The following SLC30A5 variants were observed in gnomAD, a reference collection of about 807,000 sequenced individuals.
The protein encoded by SLC30A5 is solute carrier family 30 member 5.
Under a neutral mutation model 79.6 loss-of-function variants are expected in SLC30A5, and 33 were observed. That is an observed-to-expected ratio of 0.41 (90% CI 0.31 to 0.55). The LOEUF is 0.55. SLC30A5 is among the 20% of genes least tolerant of loss of function. The pLI, the probability that SLC30A5 is intolerant of heterozygous loss-of-function variation, is 0.20. For missense variants in SLC30A5, 788 were observed against 928.1 expected, an observed-to-expected ratio of 0.85 and a Z score of 1.96; for synonymous variants, 299 against 319.7, an observed-to-expected ratio of 0.94 and a Z score of 0.69.
chr5:69,123,634 A>G (rs1746595325), intron 14 of SLC30A5: 1 of 496,924 alleles, frequency 2.0e-6, no homozygotes, highest in Non-Finnish European at 3.6e-6. Flanking sequence ...TAAAGGATAT[A>G]AAACAGGGAC....
intron 1 of SLC30A5, among the ~76,000 whole-genome samples, chr5:69,099,201 C>T (rs1745834687): frequency 6.6e-6 from 1 of 152,216 alleles, no homozygotes. Context: ...TTAAACTACT[C>T]ATTTAAAAAT....
chr5:69,105,240 T>G (rs1482900470), intron 4 of SLC30A5, among the ~76,000 whole-genome samples: 1 of 152,250 alleles, frequency 6.6e-6, no homozygotes, highest in African/African-American at 2.4e-5. Context: ...TTAGTCTTTT[T>G]CTGCAAGTGG....
At chr5:69,103,914 T>C in intron 3 of SLC30A5, 2 of 1,347,342 alleles carry the variant, frequency 1.5e-6, no homozygotes, top group Non-Finnish European at 2.0e-6. Context: ...TTTTTTAAAA[T>C]ATGATTAATA....
At chr5:69,094,429 A>G (rs1434451257) in intron 1 of SLC30A5, 91 bp downstream of exon 1, 1 of 1,218,482 alleles carries the variant, frequency 8.2e-7, no homozygotes, top group Non-Finnish European at 1.0e-6. Context: ...ACAGCCCGGG[A>G]CGTCCCGGGG....
chr5:69,123,311 T>A lies in SLC30A5; in HGVS notation c.1884T>A (p.Phe628Leu), dbSNP rs775909843. 6.2e-7 allele frequency: 1 copy of A among 1,614,096 alleles called. No individual in the cohort carries two copies. Among genetic ancestry groups the A allele is most frequent in the Non-Finnish European group, 8.5e-7 (1 of 1,179,952 alleles). The change falls in exon 14 of 16, where the codon TTT (phenylalanine) becomes TTA (leucine). Residue 628 changes from phenylalanine (F) to leucine (L), a missense_variant. By Grantham distance (22) the Phe-to-Leu change is conservative (BLOSUM62 0). Around this residue, in one of 3 missense-constraint regions of SLC30A5, gnomAD observed 4 missense variants for 16.4 expected, o/e 0.24. Transcript: ENST00000396591. ...WFIADPLCSL[F>L]IAILIFLSVV... ...TCGCTGACCCACTCTGTTCTCTTTT[T>A]ATTGCTATATTAATATTTCTCAGTG...
intron 14 of SLC30A5, among the ~76,000 whole-genome samples, chr5:69,127,459 T>A (rs992308215): frequency 7.9e-5 from 11 of 139,116 alleles, no homozygotes; most frequent in African/African-American, 2.8e-4. Context: ...TGAAACCCCA[T>A]CTGTACTAAA....
At chr5:69,108,573 A>G (rs542611098) in intron 5 of SLC30A5, 137 bp downstream of exon 5, 8 of 723,456 alleles carry the variant, frequency 1.1e-5, no homozygotes, top group Admixed American at 2.3e-5. Context: ...TGTAATCCCA[A>G]CACTGTGGGA....
At chr5:69,100,248 A>G (rs897320054) in intron 1 of SLC30A5, among the ~76,000 whole-genome samples, 2 of 152,098 alleles carry the variant, frequency 1.3e-5, no homozygotes, top group African/African-American at 4.8e-5. Context: ...GATTACAGGC[A>G]TGAGCGCCCA....
Position 69,113,233 on chromosome 5 carries a change from C to A in SLC30A5, c.535+6C>A, listed in dbSNP as rs759522014. 3.1e-6 allele frequency: 5 copies of A among 1,608,300 alleles called. No homozygotes were observed. The highest frequency in any genetic ancestry group is 4.3e-6 in the Non-Finnish European group (5 of 1,176,418). On this transcript the variant is annotated splice_donor_region_variant and intron_variant, in intron 6 of 15. Transcript: ENST00000396591. ...GGCTAAAATGGCTGAACACCGTATC[C>A]TTTTGGAATAGATCAGAGTTGTTTC...
At chr5:69,104,983 G>A (rs555815707) in intron 4 of SLC30A5, among the ~76,000 whole-genome samples, 129 of 152,178 alleles carry the variant, frequency 8.5e-4, no homozygotes, top group African/African-American at 3.1e-3. Flanking sequence ...TAGCATAAAC[G>A]GCTTTTTAAT....
In SLC30A5 at chr5:69,130,807, CCTGT is replaced by C. The variant is rs1471661044; in HGVS notation, c.*1193_*1196del. On this transcript the variant is annotated 3_prime_UTR_variant, in exon 16 of 16. Transcript: ENST00000396591. ...GTTGTCCAAAAGAAACTTTTTAATACCTGTCTTTCTATTTATAACATCTGAATAT... is the reference window on the plus strand; with the variant it reads ...GTTGTCCAAAAGAAACTTTTTAATACCTTTCTATTTATAACATCTGAATAT... The C allele has an allele frequency of 1.3e-5, 2 of 151,908 alleles. No homozygotes were observed. Among genetic ancestry groups the C allele is most frequent in the Admixed American group, 6.6e-5 (1 of 15,240 alleles). The allele number at this position is 151,908 out of a possible 1,614,324, so 9.4% of individuals were successfully genotyped here. A position where few individuals can be genotyped will look rare whatever the true frequency, so the allele number is the denominator to read the frequency against.
chr5:69,114,399 CCTTTA>C lies in SLC30A5; in HGVS notation c.536-17_536-13del. ...AAGAGTGACTTTTTGGAATTTTTTT[CCTTTA>C]CTTCAACTCACTTAGCTGAAGGACA... On this transcript the variant is annotated splice_polypyrimidine_tract_variant and intron_variant, in intron 6 of 15. Transcript: ENST00000396591. 6.6e-7 allele frequency: 1 copy of C among 1,518,920 alleles called. No individual in the cohort carries two copies. Among genetic ancestry groups the C allele is most frequent in the Non-Finnish European group, 9.1e-7 (1 of 1,098,460 alleles). 94.1% of individuals were successfully genotyped at this position (1,518,920 alleles called of 1,614,324 possible).
intron 14 of SLC30A5, among the ~76,000 whole-genome samples, chr5:69,124,729 C>T (rs982490644): frequency 2.0e-5 from 3 of 152,128 alleles, no homozygotes; most frequent in Non-Finnish European, 4.4e-5. Flanking sequence ...GCCTACCACA[C>T]CCAGCTAATT....
Position 69,113,160 on chromosome 5 carries a change from C to T in SLC30A5, c.468C>T (p.Phe156=). The change falls in exon 6 of 16, where the codon TTC becomes TTT. Residue 156 remains phenylalanine, a synonymous_variant. Transcript: ENST00000396591. ...GPAKTRGAAF[F]IIAVICLLLF... The stretch of plus-strand genomic sequence containing the variant: ...TTCAGACAAGGGGAGCTGCTTTTTT[C>T]ATTATTGCTGTGATCTGTTTATTGC... 6.2e-7 allele frequency: 1 copy of T among 1,612,018 alleles called. No homozygotes were observed. The highest frequency in any genetic ancestry group is 8.5e-7 in the Non-Finnish European group (1 of 1,179,426).
At chr5:69,129,120 A>T (rs948615065) in intron 15 of SLC30A5, among the ~76,000 whole-genome samples, 1 of 152,152 alleles carries the variant, frequency 6.6e-6, no homozygotes, top group East Asian at 1.9e-4. Context: ...TAACTATTTT[A>T]AAAATGTGAC....
At chr5:69,113,357 GA>G in intron 6 of SLC30A5, 130 bp downstream of exon 6, 1 of 616,300 alleles carries the variant, frequency 1.6e-6, no homozygotes, top group Non-Finnish European at 2.7e-6. Context: ...GATTAATGTA[GA>G]TATTCTAAAT....
chr5:69,118,087 G>T (rs1186141611), intron 11 of SLC30A5, among the ~76,000 whole-genome samples: 7 of 147,594 alleles, frequency 4.7e-5, no homozygotes, highest in Non-Finnish European at 5.9e-5. Context: ...TGAAGCAGGA[G>T]AATGGTGTGA....
At position 69,116,522 on chromosome 5, in the gene SLC30A5, A is replaced by G. The variant is rs1186490075; in HGVS notation, c.1201A>G (p.Arg401Gly). 1.2e-6 allele frequency: 2 copies of G among 1,611,480 alleles called. No individual in the cohort carries two copies. Among genetic ancestry groups the G allele is most frequent in the Admixed American group, 3.4e-5 (2 of 59,406 alleles). The change falls in exon 10 of 16, where the codon AGG becomes GGG. Residue 401 changes from arginine (R) to glycine (G), a missense_variant. Physicochemically the swap from Arg to Gly is moderately radical, Grantham distance 125 (BLOSUM62 -2). Coordinates refer to ENST00000396591, the MANE Select transcript of SLC30A5 (RefSeq NM_022902.5). This position sits in a 1 kb window ranked among gnomAD's most constrained non-coding sequence, Gnocchi z 4.0. ...TCAGCATAGCTCTCAATCGATCCCT[A>G]GGTTTATTAAGGAATCACTAAAACA... ...AFQHSSQSIP[R>G]FIKESLKQIL...
At chr5:69,096,930 A>T (rs1364016508) in intron 1 of SLC30A5, among the ~76,000 whole-genome samples, 1 of 151,708 alleles carries the variant, frequency 6.6e-6, no homozygotes, top group Non-Finnish European at 1.5e-5. Flanking sequence ...AGTGCACTGC[A>T]GCCTGGGTGA....
Sources: allele counts gnomAD v4.1 joint callset (sites outside exome capture counted in the v4.1 genomes callset), GRCh38; gene constraint gnomAD v4.1.1; regional missense constraint gnomAD v4.1.1; non-coding constraint Gnocchi (gnomAD v3.1); transcripts MANE v1.5; gene names NCBI Gene and HGNC (gene_info 2026-07-23, HGNC 2026-07-21).